The following FRMD6 variants were observed in gnomAD, a reference collection of about 807,000 sequenced individuals.
FRMD6 encodes FERM domain containing 6, also known as FERM domain-containing protein 6.
FRMD6 carries 37 observed loss-of-function variants against 73.2 expected under a neutral mutation model. That is an observed-to-expected ratio of 0.51 (90% CI 0.39 to 0.66). The LOEUF (loss-of-function observed/expected upper bound fraction) is 0.66. Among genes scored for constraint, FRMD6 ranks in the 30% least tolerant of loss-of-function variants. The pLI, the probability that FRMD6 is intolerant of heterozygous loss-of-function variation, is 0.00. For synonymous variants in FRMD6, 273 were observed against 282.2 expected (o/e 0.97, Z 0.33); for missense variants, 714 against 780.5 (o/e 0.91, Z 1.02).
chr14:51,637,465 GCA>G (rs113564495), intron 2 of FRMD6: 3,316 of 132,522 alleles, frequency 0.025, 62 homozygotes, highest in African/African-American at 0.055. Flanking sequence ...ATACACACAG[GCA>G]CACACACACA....
At chr14:51,525,493 T>C (rs139959606) in intron 1 of FRMD6, among the ~76,000 whole-genome samples, 7,449 of 152,142 alleles carry the variant, frequency 0.049, 399 homozygotes, top group African/African-American at 0.13. Context: ...GGTCTTGATC[T>C]GCTGACCTTG....
At chr14:51,400,840 T>C in the FRMD6 span, among the ~76,000 whole-genome samples, 1 of 152,248 alleles carries the variant, frequency 6.6e-6, no homozygotes, top group African/African-American at 2.4e-5. Context: ...GAGGGCTATT[T>C]AGGTTTTAAA....
chr14:51,508,720 T>C (rs373168349), intron 1 of FRMD6, among the ~76,000 whole-genome samples: 2 of 152,176 alleles, frequency 1.3e-5, no homozygotes, highest in East Asian at 3.8e-4. Context: ...ACAAAACAAA[T>C]AGTCATATGA....
chr14:51,705,824 T>C (rs1175122380), intron 6 of FRMD6, among the ~76,000 whole-genome samples: 1 of 152,160 alleles, frequency 6.6e-6, no homozygotes, highest in Non-Finnish European at 1.5e-5. Context: ...TACTTTTGCT[T>C]TATATTGACA....
At chr14:51,578,545 G>A (rs1158817435) in intron 2 of FRMD6, among the ~76,000 whole-genome samples, 3 of 152,208 alleles carry the variant, frequency 2.0e-5, no homozygotes, top group Non-Finnish European at 4.4e-5. Context: ...CACCACTCGT[G>A]TGATACCCAG....
chr14:51,537,563 T>C (rs1455393534), intron 1 of FRMD6, among the ~76,000 whole-genome samples: 1 of 152,228 alleles, frequency 6.6e-6, no homozygotes, highest in East Asian at 1.9e-4. Flanking sequence ...TGTTGTAAGT[T>C]AGTTTTGTAA....
At chr14:51,465,208 A>G in the FRMD6 span, among the ~76,000 whole-genome samples, 1 of 152,254 alleles carries the variant, frequency 6.6e-6, no homozygotes, top group African/African-American at 2.4e-5. Flanking sequence ...TGCTATTTTT[A>G]GGTTTACTAG....
At chr14:51,485,419 C>T (rs1357370018), upstream of FRMD6, among the ~76,000 whole-genome samples, 1 of 152,220 alleles carries the variant, frequency 6.6e-6, no homozygotes, top group African/African-American at 2.4e-5. Context: ...AATATGACCA[C>T]ATTCTGAGGT....
At chr14:51,593,270 A>G (rs938500249) in intron 2 of FRMD6, among the ~76,000 whole-genome samples, 3 of 152,174 alleles carry the variant, frequency 2.0e-5, no homozygotes, top group African/African-American at 7.2e-5. Context: ...TGACAAAGAG[A>G]GGGTATTTGT....
At chr14:51,495,346 T>C (rs553789501) in intron 1 of FRMD6, among the ~76,000 whole-genome samples, 1 of 152,372 alleles carries the variant, frequency 6.6e-6, no homozygotes, top group East Asian at 1.9e-4. Flanking sequence ...ACAGCTCTTC[T>C]CTTTTCTTTC....
At chr14:51,463,664 A>G in the FRMD6 span, among the ~76,000 whole-genome samples, 1,484 of 152,368 alleles carry the variant, frequency 9.7e-3, 23 homozygotes, top group African/African-American at 0.034. Context: ...AGCACGCTAC[A>G]TGCAGACAGG....
chr14:51,444,598 G>T, the FRMD6 span, among the ~76,000 whole-genome samples: 3 of 152,168 alleles, frequency 2.0e-5, no homozygotes, highest in Admixed American at 2.0e-4. Context: ...TTGGACTTCT[G>T]ACTCATCTCT....
intron 1 of FRMD6, among the ~76,000 whole-genome samples, chr14:51,511,715 C>A (rs1965593): frequency 0.36 from 54,982 of 151,750 alleles, 10,098 homozygotes; most frequent in South Asian, 0.41. Context: ...ATATCACACA[C>A]CGGGGCCAGT....
chr14:51,725,979 G>C, intron 13 of FRMD6, 109 bp downstream of exon 13: 1 of 695,942 alleles, frequency 1.4e-6, no homozygotes, highest in Non-Finnish European at 2.5e-6. Flanking sequence ...CTAAGGAAAT[G>C]ATCCTTCCTA....
intron 1 of FRMD6, among the ~76,000 whole-genome samples, chr14:51,557,721 G>C (rs975786938): frequency 3.3e-5 from 5 of 152,114 alleles, no homozygotes; most frequent in African/African-American, 1.2e-4. Context: ...TAATTAGTTT[G>C]ATTTAGCCAT....
chr14:51,562,084 G>T (rs180822546), intron 1 of FRMD6, among the ~76,000 whole-genome samples: 134 of 152,254 alleles, frequency 8.8e-4, no homozygotes, highest in Non-Finnish European at 1.5e-3. Flanking sequence ...GGCATCAATT[G>T]CTCCTTCAAC....
chr14:51,512,285 A>C (rs1044427884), intron 1 of FRMD6, among the ~76,000 whole-genome samples: 3 of 152,234 alleles, frequency 2.0e-5, no homozygotes, highest in African/African-American at 7.2e-5. Context: ...GAAAGTGATC[A>C]ACCAAAGAAA....
chr14:51,668,194 A>C (rs552854622), intron 1 of FRMD6, among the ~76,000 whole-genome samples: 28 of 152,308 alleles, frequency 1.8e-4, no homozygotes, highest in African/African-American at 6.5e-4. Context: ...AAAATACTCT[A>C]TTAATTTATA....
At chr14:51,599,062 T>TC (rs1160250776) in intron 2 of FRMD6, among the ~76,000 whole-genome samples, 5 of 37,290 alleles carry the variant, frequency 1.3e-4, no homozygotes, top group African/African-American at 1.9e-4. Context: ...ATCTGTCTTT[T>TC]TTTTTTTTTT....
Sources: allele counts gnomAD v4.1 joint callset (sites outside exome capture counted in the v4.1 genomes callset), GRCh38; gene constraint gnomAD v4.1.1; transcripts MANE v1.5; gene names NCBI Gene and HGNC (gene_info 2026-07-23, HGNC 2026-07-21).